Variants in WWC1 observed in about 807,000 individuals in gnomAD.
WWC1 encodes WW and C2 domain containing 1.
A neutral mutation model predicts 138.4 loss-of-function variants in WWC1; 55 were observed. That is an observed-to-expected ratio of 0.40 (90% CI 0.32 to 0.50). The LOEUF is 0.50. Among genes scored for constraint, WWC1 ranks in the 20% least tolerant of loss-of-function variants. The probability of loss-of-function intolerance (pLI) is 0.72; values close to 1 mark genes in which losing one functional copy is unlikely to be tolerated. For synonymous variants in WWC1, 524 were observed against 564.9 expected, an observed-to-expected ratio of 0.93 and a Z score of 1.03; for missense variants, 1,226 against 1,420.4, an observed-to-expected ratio of 0.86 and a Z score of 2.20.
Position 168,395,969 on chromosome 5 carries a change from C to G in WWC1, c.434-1755C>G, listed in dbSNP as rs79137892. 5.0e-3 allele frequency among the ~76,000 whole-genome samples: 759 copies of G among 152,366 alleles called. 6 individuals carry two copies. Among genetic ancestry groups the G allele is most frequent in the African/African-American group, 0.017 (714 of 41,584 alleles). ...CAAAGCCAAACAGTAGCATTCCCCTCATGACTGTCATGCCTACCTCCAGAC... is the reference window on the plus strand; with the variant it reads ...CAAAGCCAAACAGTAGCATTCCCCTGATGACTGTCATGCCTACCTCCAGAC... On this transcript the variant is annotated intron_variant, in intron 3 of 22. Coordinates refer to ENST00000265293, the MANE Select transcript of WWC1 (RefSeq NM_015238.3).
rs1276384055 is a variant in WWC1 at position 168,314,129 on chromosome 5, A to C, written c.119+21858A>C. Among the ~76,000 whole-genome samples the C allele has an allele frequency of 2.0e-5, 3 of 152,312 alleles. No individual in the cohort carries two copies. In the East Asian group the frequency reaches 5.8e-4, roughly 29 times the overall value. On this transcript the variant is annotated intron_variant, in intron 1 of 22. Coordinates refer to ENST00000265293, the MANE Select transcript of WWC1 (RefSeq NM_015238.3). ...GTGGTGCCTGTTGGCTCTAATAAGC[A>C]ATGAGGTGGCAGGCACAGAGGCAGG...
intron 3 of WWC1, among the ~76,000 whole-genome samples, chr5:168,387,442 A>G (rs1214650846): frequency 6.6e-6 from 1 of 152,196 alleles, no homozygotes; most frequent in African/African-American, 2.4e-5. Flanking sequence ...TTCATTAGCT[A>G]TTCTGTGTCA....
intron 8 of WWC1, among the ~76,000 whole-genome samples, chr5:168,413,877 T>A (rs1780399710): frequency 2.0e-5 from 3 of 152,220 alleles, no homozygotes; most frequent in Admixed American, 2.0e-4. Context: ...ACATACCTAA[T>A]AAGCAGTCAC....
At chr5:168,467,698 G>T in intron 21 of WWC1, 142 bp from the exon 22 acceptor site, 2 of 1,231,686 alleles carry the variant, frequency 1.6e-6, no homozygotes, top group Middle Eastern at 2.9e-4. Context: ...TCCCATTATC[G>T]TTCTGAATGA....
chr5:168,356,892 T>C (rs1775465445), intron 1 of WWC1, among the ~76,000 whole-genome samples: 1 of 152,108 alleles, frequency 6.6e-6, no homozygotes, highest in Non-Finnish European at 1.5e-5. Flanking sequence ...AAGGCTCAGG[T>C]GGCTCATATC....
chr5:168,338,035 G>A (rs947015967), intron 1 of WWC1, among the ~76,000 whole-genome samples: 3 of 152,168 alleles, frequency 2.0e-5, no homozygotes, highest in Non-Finnish European at 2.9e-5. Flanking sequence ...GGAAGGCCAG[G>A]CGCAGGGGCT....
intron 1 of WWC1, among the ~76,000 whole-genome samples, chr5:168,333,093 G>A (rs1773174601): frequency 6.6e-6 from 1 of 152,216 alleles, no homozygotes; most frequent in South Asian, 2.1e-4. Flanking sequence ...CATCTCTGGG[G>A]ATGGCACCCC....
In WWC1 at chr5:168,428,856, C is replaced by T. The variant is rs1329204309; in HGVS notation, c.2000+69C>T. 5 of 1,552,636 alleles carry T rather than the reference C, an allele frequency of 3.2e-6. No homozygotes were observed. The African/African-American group carries it at 5.4e-5, about 17-fold the overall frequency. ...GGGTCCCTTCTTCATCCACAGCGTTCCCCAGCATTTACCTTCACAGCCGCC... is the reference window on the plus strand; with the variant it reads ...GGGTCCCTTCTTCATCCACAGCGTTTCCCAGCATTTACCTTCACAGCCGCC... On this transcript the variant is annotated intron_variant, in intron 13 of 22. Coordinates refer to ENST00000265293, the MANE Select transcript of WWC1 (RefSeq NM_015238.3).
chr5:168,326,922 T>C (rs900803927), intron 1 of WWC1, among the ~76,000 whole-genome samples: 1 of 152,228 alleles, frequency 6.6e-6, no homozygotes, highest in African/African-American at 2.4e-5. Context: ...ATCTGCATTT[T>C]TGAAGGGACA....
chr5:168,439,166 T>C (rs570104897), intron 15 of WWC1, among the ~76,000 whole-genome samples: 6 of 152,236 alleles, frequency 3.9e-5, no homozygotes, highest in African/African-American at 1.4e-4. Flanking sequence ...TATATATTCT[T>C]TTCTGCACCA....
At chr5:168,410,459 C>A (rs530469989) in intron 8 of WWC1, among the ~76,000 whole-genome samples, 3 of 152,252 alleles carry the variant, frequency 2.0e-5, no homozygotes, top group Non-Finnish European at 2.9e-5. Flanking sequence ...TGTGGCTTCA[C>A]AGAATCCTAA....
intron 1 of WWC1, among the ~76,000 whole-genome samples, chr5:168,330,830 C>G (rs1168761971): frequency 2.0e-5 from 3 of 152,164 alleles, no homozygotes; most frequent in Non-Finnish European, 4.4e-5. Context: ...CCACACCTCT[C>G]CCCTAAAGCT....
At chr5:168,303,867 T>C (rs942590794) in intron 1 of WWC1, among the ~76,000 whole-genome samples, 2 of 152,024 alleles carry the variant, frequency 1.3e-5, no homozygotes, top group Non-Finnish European at 2.9e-5. Flanking sequence ...AGGGAGGTGG[T>C]TTTGAGGAAA....
intron 1 of WWC1, among the ~76,000 whole-genome samples, chr5:168,367,031 C>T (rs1776349550): frequency 2.6e-5 from 4 of 151,890 alleles, no homozygotes; most frequent in Admixed American, 6.6e-5. Context: ...CTCCTGACCT[C>T]GGGTGATCCA....
chr5:168,325,855 A>G (rs1339762300), intron 1 of WWC1, among the ~76,000 whole-genome samples: 1 of 152,100 alleles, frequency 6.6e-6, no homozygotes, highest in Non-Finnish European at 1.5e-5. Flanking sequence ...CTCTGGCTCT[A>G]TGAGTTTGAC....
intron 1 of WWC1, among the ~76,000 whole-genome samples, chr5:168,319,506 G>A (rs142754593): frequency 5.1e-4 from 78 of 152,302 alleles, no homozygotes; most frequent in African/African-American, 1.9e-3. Context: ...TAGATCACAT[G>A]GTAATTTATC....
At chr5:168,358,693 A>G (rs1191995869) in intron 1 of WWC1, among the ~76,000 whole-genome samples, 1 of 152,132 alleles carries the variant, frequency 6.6e-6, no homozygotes, top group African/African-American at 2.4e-5. Flanking sequence ...CATTGAATTG[A>G]CGATTTTCTT....
At chr5:168,430,401 G>A (rs1279245615) in intron 14 of WWC1, among the ~76,000 whole-genome samples, 178 bp downstream of exon 14, 1 of 152,100 alleles carries the variant, frequency 6.6e-6, no homozygotes. Context: ...CAGGCACAAC[G>A]GCAAGCACAC....
chr5:168,422,939 A>C lies in WWC1; in HGVS notation c.1275-594A>C, dbSNP rs557662269. On this transcript the variant is annotated intron_variant, in intron 10 of 22. Transcript: ENST00000265293. ...CGCAGGCGGATTGCCTGAGCTCAGGAGTTCGAGACTAGCCTGGGCAACACG... is the reference window on the plus strand; with the variant it reads ...CGCAGGCGGATTGCCTGAGCTCAGGCGTTCGAGACTAGCCTGGGCAACACG... Among the ~76,000 whole-genome samples, 3 of 152,214 alleles carry C rather than the reference A, an allele frequency of 2.0e-5. No individual in the cohort carries two copies. In the South Asian group the frequency reaches 6.2e-4, roughly 32 times the overall value.
Sources: allele counts gnomAD v4.1 joint callset (sites outside exome capture counted in the v4.1 genomes callset), GRCh38; gene constraint gnomAD v4.1.1; transcripts MANE v1.5; gene names NCBI Gene and HGNC (gene_info 2026-07-23, HGNC 2026-07-21).